Variants in STK10 observed in about 807,000 individuals in gnomAD.
STK10 encodes the protein serine/threonine kinase 10, also known as serine/threonine-protein kinase 10.
A neutral mutation model predicts 113.8 loss-of-function variants in STK10; 78 were observed. The observed-to-expected ratio is 0.69, with a 90% CI of 0.57 to 0.83. STK10 has a LOEUF of 0.83. STK10 is among the 40% of genes least tolerant of loss of function. The pLI is 0.00. For synonymous variants in STK10, 465 were observed against 494.7 expected (o/e 0.94, Z 0.80); for missense variants, 1,109 against 1,280.1 (o/e 0.87, Z 2.04).
chr5:172,057,848 G>T (rs1015288702), intron 14 of STK10, among the ~76,000 whole-genome samples: 3 of 152,196 alleles, frequency 2.0e-5, no homozygotes, highest in Non-Finnish European at 4.4e-5. Context: ...GGAGGGAGGG[G>T]ACGTCCTTGG....
Position 172,145,417 on chromosome 5 carries a change from G to C in STK10, c.321+11207C>G, listed in dbSNP as rs1380113628. On this transcript the variant is annotated intron_variant, in intron 2 of 18. Coordinates refer to ENST00000176763, the MANE Select transcript of STK10 (RefSeq NM_005990.4). ...TGTAACCTTTCAGTTGGTCCTTGAGGGACAGGTAGGAGTCAAACCAAGGCG... is the reference window on the plus strand; with the variant it reads ...TGTAACCTTTCAGTTGGTCCTTGAGCGACAGGTAGGAGTCAAACCAAGGCG... 2.0e-5 allele frequency among the ~76,000 whole-genome samples: 3 copies of C among 152,242 alleles called. No homozygotes were observed. The East Asian group carries it at 5.8e-4, about 29-fold the overall frequency.
At chr5:172,116,673 G>C (rs1046981481) in intron 4 of STK10, among the ~76,000 whole-genome samples, 1 of 151,686 alleles carries the variant, frequency 6.6e-6, no homozygotes, top group Non-Finnish European at 1.5e-5. Flanking sequence ...CTCGAGACCA[G>C]CCTGGCCAAC....
chr5:172,102,325 A>C (rs1769007316), intron 7 of STK10, among the ~76,000 whole-genome samples: 1 of 152,132 alleles, frequency 6.6e-6, no homozygotes, highest in African/African-American at 2.4e-5. Context: ...TTGGGGCCTG[A>C]GCCACTGGAA....
Position 172,087,628 on chromosome 5 carries a change from T to A in STK10, c.1685+2604A>T, listed in dbSNP as rs528229529. Among the ~76,000 whole-genome samples the A allele has an allele frequency of 1.9e-4, 26 of 135,860 alleles. 2 individuals carry two copies. The highest frequency in any genetic ancestry group is 3.9e-4 in the East Asian group (2 of 5,078). 89.1% of individuals were successfully genotyped at this position (135,860 alleles called of 152,430 possible). On this transcript the variant is annotated intron_variant, in intron 10 of 18. Transcript: ENST00000176763. Reference sequence around the variant, plus strand: ...TTAAATTTATTTACTTATTTATTTTTTTTTTTTTTTTGAGACGGAGTCTCG... The same window carrying A: ...TTAAATTTATTTACTTATTTATTTTATTTTTTTTTTTGAGACGGAGTCTCG...
intron 2 of STK10, among the ~76,000 whole-genome samples, chr5:172,141,457 TG>T (rs1054360709): frequency 2.0e-5 from 3 of 151,854 alleles, no homozygotes; most frequent in Non-Finnish European, 2.9e-5. Flanking sequence ...GGTGCGTGCC[TG>T]TGGTCCCAGC....
At chr5:172,046,312 G>A (rs561924954) in intron 18 of STK10, among the ~76,000 whole-genome samples, 14 of 150,252 alleles carry the variant, frequency 9.3e-5, no homozygotes, top group East Asian at 6.0e-4. Flanking sequence ...AGCCGAGATC[G>A]TGCCACTGCA....
chr5:172,157,462 A>T (rs1377860839), intron 1 of STK10, among the ~76,000 whole-genome samples: 5 of 152,200 alleles, frequency 3.3e-5, no homozygotes, highest in Non-Finnish European at 7.3e-5. Context: ...AGGCTGAAGC[A>T]GGAGAATCGC....
chr5:172,117,415 G>C, intron 4 of STK10, 66 bp downstream of exon 4: 4 of 1,581,524 alleles, frequency 2.5e-6, no homozygotes, highest in Middle Eastern at 2.3e-4. Context: ...CTGGCCTGCA[G>C]AGGCCAGGCC....
In STK10 at chr5:172,157,750, C is replaced by T. The variant is rs552765852; in HGVS notation, c.157-962G>A. On this transcript the variant is annotated intron_variant, in intron 1 of 18. Coordinates refer to ENST00000176763, the MANE Select transcript of STK10 (RefSeq NM_005990.4). ...GAACTACAGATGTGCACCACCACGC[C>T]TGGCTAAATTTTGTGTTTTTAGTAG... is the stretch of plus-strand genomic sequence containing the variant. 2.0e-5 allele frequency among the ~76,000 whole-genome samples: 3 copies of T among 152,064 alleles called. No homozygotes were observed. The East Asian group carries it at 5.9e-4, about 30-fold the overall frequency.
At chr5:172,073,184 C>A (rs576319312) in intron 12 of STK10, among the ~76,000 whole-genome samples, 21 of 152,190 alleles carry the variant, frequency 1.4e-4, no homozygotes, top group African/African-American at 4.8e-4. Flanking sequence ...AAGTCTTGCT[C>A]TGTCACCCAG....
intron 14 of STK10, among the ~76,000 whole-genome samples, chr5:172,059,505 T>C (rs1417161298): frequency 1.4e-5 from 2 of 145,456 alleles, no homozygotes; most frequent in Non-Finnish European, 3.0e-5. Context: ...CTACTTTGCA[T>C]ACCCCATGAA....
chr5:172,046,172 C>T (rs1255140127), intron 18 of STK10, among the ~76,000 whole-genome samples: 1 of 151,352 alleles, frequency 6.6e-6, no homozygotes, highest in Non-Finnish European at 1.5e-5. Flanking sequence ...CCAGCCTGGC[C>T]AACAAGGCGA....
At chr5:172,054,453 G>A (rs960960878) in intron 17 of STK10, 116 bp downstream of exon 17, 52 of 1,451,756 alleles carry the variant, frequency 3.6e-5, no homozygotes, top group Admixed American at 6.1e-5. Flanking sequence ...CATCCATCCC[G>A]GGCGTGTCTG....
At chr5:172,047,130 G>T (rs1376675026) in intron 18 of STK10, among the ~76,000 whole-genome samples, 2 of 152,226 alleles carry the variant, frequency 1.3e-5, no homozygotes, top group Admixed American at 6.5e-5. Flanking sequence ...ATGCAAGAAT[G>T]TAAAAGACCA....
chr5:172,093,713 A>G lies in STK10; in HGVS notation c.1253T>C (p.Met418Thr), dbSNP rs115558917. The G allele has an allele frequency of 2.5e-5, 41 of 1,614,160 alleles. No homozygotes were observed. In the East Asian group the frequency reaches 8.7e-4, roughly 34 times the overall value. The change falls in exon 9 of 19, where the codon ATG becomes ACG. Residue 418 changes from methionine to threonine, a missense_variant. Coordinates refer to ENST00000176763, the MANE Select transcript of STK10 (RefSeq NM_005990.4). The surrounding 1 kb of genome is among the most constrained non-coding windows in gnomAD (Gnocchi z 4.1). The stretch of plus-strand genomic sequence containing the variant: ...CTGGGCTACCTGAATTCTGGCATCC[A>G]TTGACACGGGTCGGGACTTCCGCAG... ...VPLRKSRPVS[M>T]DARIQVAQEK...
At chr5:172,152,584 C>T (rs1186132861) in intron 2 of STK10, among the ~76,000 whole-genome samples, 1 of 152,116 alleles carries the variant, frequency 6.6e-6, no homozygotes, top group Admixed American at 6.5e-5. Context: ...ACTGAGTGTT[C>T]GAAATGTGGC....
chr5:172,113,701 G>A (rs1284110952), intron 4 of STK10, among the ~76,000 whole-genome samples: 1 of 152,160 alleles, frequency 6.6e-6, no homozygotes, highest in Non-Finnish European at 1.5e-5. Flanking sequence ...CAGATCACCT[G>A]AGGTCAGGAG....
At chr5:172,084,526 C>T (rs775283989) in intron 10 of STK10, among the ~76,000 whole-genome samples, 2 of 151,892 alleles carry the variant, frequency 1.3e-5, no homozygotes, top group African/African-American at 2.4e-5. Flanking sequence ...AAAAGGACAA[C>T]AATGTCTCTG....
intron 18 of STK10, among the ~76,000 whole-genome samples, chr5:172,051,000 T>A: frequency 1.3e-5 from 2 of 151,746 alleles, no homozygotes. Context: ...TAATCCCAGC[T>A]GCTCAGGAAG....
Sources: gnomAD v4.1 joint callset for allele counts (sites outside exome capture counted in the v4.1 genomes callset) on GRCh38, gnomAD v4.1.1 for gene constraint, Gnocchi (gnomAD v3.1) non-coding constraint, MANE v1.5 for transcripts, NCBI Gene and HGNC (gene_info 2026-07-23, HGNC 2026-07-21) for gene names.